The following GPM6A variants were observed in gnomAD, a reference collection of about 807,000 sequenced individuals.
GPM6A encodes the protein neuronal membrane glycoprotein M6-a.
In GPM6A, 7 loss-of-function variants were observed where a neutral mutation model predicts 32.1. That is an observed-to-expected ratio of 0.22 (90% CI 0.12 to 0.41). GPM6A has a LOEUF of 0.41. Among genes scored for constraint, GPM6A ranks in the 10% least tolerant of loss-of-function variants. The pLI, the probability that GPM6A is intolerant of heterozygous loss-of-function variation, is 1.00. For synonymous variants in GPM6A, 130 were observed against 123.4 expected, an observed-to-expected ratio of 1.05 and a Z score of -0.35; for missense variants, 235 against 347.2, an observed-to-expected ratio of 0.68 and a Z score of 2.57.
chr4:175,711,276 C>G (rs1230352167), intron 1 of GPM6A, among the ~76,000 whole-genome samples: 1 of 150,486 alleles, frequency 6.6e-6, no homozygotes. Context: ...AAAGAGACAA[C>G]CACTAGGTAT....
rs558635508 is a variant in GPM6A at position 175,798,399 on chromosome 4, CACTT to C, written c.37+13788_37+13791del. Among the ~76,000 whole-genome samples the C allele has an allele frequency of 5.3e-5, 8 of 152,274 alleles. No individual in the cohort carries two copies. The East Asian group carries it at 1.2e-3, about 22-fold the overall frequency. On this transcript the variant is annotated intron_variant, in intron 1 of 6. Coordinates refer to ENST00000393658, the MANE Select transcript of GPM6A (RefSeq NM_201591.3). ...AAGGCTAAGAAAACTCTGTTTATGACACTTACAATTCAGTTATTCAAGACAAATA... is the reference window on the plus strand; with the variant it reads ...AAGGCTAAGAAAACTCTGTTTATGACACAATTCAGTTATTCAAGACAAATA...
At chr4:175,758,403 A>G (rs1732614126) in intron 1 of GPM6A, among the ~76,000 whole-genome samples, 1 of 152,178 alleles carries the variant, frequency 6.6e-6, no homozygotes, top group Admixed American at 6.6e-5. Flanking sequence ...AGGAATAGCA[A>G]GTGATATGAT....
At chr4:176,002,016 C>A (rs933777065) in intron 1 of GPM6A, among the ~76,000 whole-genome samples, 3 of 152,162 alleles carry the variant, frequency 2.0e-5, no homozygotes, top group Non-Finnish European at 4.4e-5. Context: ...AGGCTTGGGT[C>A]CTGGGGCCGG....
At chr4:175,911,970 A>G (rs1311944267) in intron 1 of GPM6A, among the ~76,000 whole-genome samples, 2 of 152,186 alleles carry the variant, frequency 1.3e-5, no homozygotes, top group Admixed American at 1.3e-4. Flanking sequence ...TAACACAACA[A>G]ACTGATGTTT....
chr4:175,666,455 C>CA (rs923789514), intron 3 of GPM6A, among the ~76,000 whole-genome samples: 24 of 151,420 alleles, frequency 1.6e-4, no homozygotes, highest in Admixed American at 7.2e-4. Context: ...AAGGCAGAGT[C>CA]AAAAAAAATG....
intron 1 of GPM6A, among the ~76,000 whole-genome samples, chr4:175,885,904 C>T (rs1487519299): frequency 6.6e-6 from 1 of 152,058 alleles, no homozygotes; most frequent in Non-Finnish European, 1.5e-5. Context: ...ATCTATGAAA[C>T]AGCAATTTAC....
chr4:175,911,557 T>G (rs112851233), intron 1 of GPM6A, among the ~76,000 whole-genome samples: 8 of 152,260 alleles, frequency 5.3e-5, no homozygotes, highest in South Asian at 2.1e-4. Context: ...GATTTTTAAC[T>G]CTATTGACGG....
At chr4:175,635,260 A>G (rs111575113) in intron 6 of GPM6A, among the ~76,000 whole-genome samples, 6,386 of 152,164 alleles carry the variant, frequency 0.042, 171 homozygotes, top group Admixed American at 0.072. Context: ...TCTTGGCACC[A>G]TTTCTTTCAG....
At chr4:175,879,549 T>C (rs1272716383) in intron 1 of GPM6A, among the ~76,000 whole-genome samples, 1 of 152,136 alleles carries the variant, frequency 6.6e-6, no homozygotes, top group Non-Finnish European at 1.5e-5. Context: ...TCATGAGAAC[T>C]CATTCACTAT....
chr4:175,689,585 T>A lies in GPM6A; in HGVS notation c.230+11990A>T, dbSNP rs952127319. On this transcript the variant is annotated intron_variant, in intron 2 of 6. Coordinates refer to ENST00000393658, the MANE Select transcript of GPM6A (RefSeq NM_201591.3). ...GTTCCAGCTGCACTTGGAAAGAATA[T>A]GTACTCTACTCCACTGGGTGGCATG... Among the ~76,000 whole-genome samples the A allele has an allele frequency of 2.6e-5, 4 of 152,330 alleles. No homozygotes were observed. The South Asian group carries it at 8.3e-4, about 32-fold the overall frequency.
chr4:175,693,651 TA>T (rs1197649525), intron 2 of GPM6A, among the ~76,000 whole-genome samples: 1 of 152,202 alleles, frequency 6.6e-6, no homozygotes, highest in African/African-American at 2.4e-5. Flanking sequence ...TACTTCGGCT[TA>T]AGTCTCTTTC....
At chr4:175,665,126 T>C (rs993071337) in intron 3 of GPM6A, among the ~76,000 whole-genome samples, 1 of 152,214 alleles carries the variant, frequency 6.6e-6, no homozygotes, top group African/African-American at 2.4e-5. Flanking sequence ...GGTGCATCAC[T>C]GTAATTAAAA....
At chr4:175,801,310 T>G (rs1734462084) in intron 1 of GPM6A, among the ~76,000 whole-genome samples, 1 of 151,796 alleles carries the variant, frequency 6.6e-6, no homozygotes, top group Non-Finnish European at 1.5e-5. Context: ...CTTTTATAAA[T>G]GTAGCACATT....
intron 1 of GPM6A, among the ~76,000 whole-genome samples, chr4:175,770,087 T>C (rs182005518): frequency 4.3e-4 from 65 of 152,226 alleles, no homozygotes; most frequent in African/African-American, 1.5e-3. Context: ...CAGGCTGGAG[T>C]GCAATCTCAG....
At chr4:175,907,011 A>G (rs769415579) in intron 1 of GPM6A, 7 of 152,106 alleles carry the variant, frequency 4.6e-5, no homozygotes, top group Non-Finnish European at 8.8e-5. Flanking sequence ...AAGAGCTAGC[A>G]TTTCTCCTTA....
chr4:175,848,198 T>C (rs907407043), intron 1 of GPM6A, among the ~76,000 whole-genome samples: 1 of 152,206 alleles, frequency 6.6e-6, no homozygotes, highest in Non-Finnish European at 1.5e-5. Flanking sequence ...AGCTTTTTTC[T>C]TGAACATTTG....
intron 1 of GPM6A, among the ~76,000 whole-genome samples, chr4:175,773,039 G>C (rs1195031121): frequency 6.6e-6 from 1 of 152,112 alleles, no homozygotes; most frequent in African/African-American, 2.4e-5. Flanking sequence ...CTTTCAATTT[G>C]TGTAATCTTC....
At chr4:175,916,772 A>C (rs892756379) in intron 1 of GPM6A, among the ~76,000 whole-genome samples, 2 of 152,228 alleles carry the variant, frequency 1.3e-5, no homozygotes, top group Admixed American at 1.3e-4. Flanking sequence ...TTTCAAGGAT[A>C]GGAGCAGTCA....
intron 1 of GPM6A, among the ~76,000 whole-genome samples, chr4:175,791,555 TA>T (rs1734014168): frequency 6.6e-6 from 1 of 152,206 alleles, no homozygotes; most frequent in Non-Finnish European, 1.5e-5. Context: ...TATAAAAGGT[TA>T]AATTTGCATA....
Sources: allele counts gnomAD v4.1 joint callset (sites outside exome capture counted in the v4.1 genomes callset), GRCh38; gene constraint gnomAD v4.1.1; transcripts MANE v1.5; gene names NCBI Gene and HGNC (gene_info 2026-07-23, HGNC 2026-07-21).